The following ARHGEF7 variants were observed in gnomAD, a reference collection of about 807,000 sequenced individuals.
ARHGEF7 encodes the protein PAK-interacting exchange factor beta.
A neutral mutation model predicts 109.8 loss-of-function variants in ARHGEF7; 33 were observed. The ratio of observed to expected loss-of-function variants is 0.30; its 90% CI spans 0.23 to 0.40. The LOEUF (loss-of-function observed/expected upper bound fraction) is 0.40, where lower values mean the gene tolerates loss of function less well. Ranked by LOEUF, ARHGEF7 falls within the 10% of genes least tolerant of loss-of-function variation. ARHGEF7 has a pLI of 1.00. For missense variants in ARHGEF7, 938 were observed against 1,098.5 expected, an observed-to-expected ratio of 0.85 and a Z score of 2.07; for synonymous variants, 458 against 424.6, an observed-to-expected ratio of 1.08 and a Z score of -0.97.
intron 20 of ARHGEF7, among the ~76,000 whole-genome samples, 199 bp from the exon 21 acceptor site, chr13:111,301,279 C>T (rs2093560189): frequency 6.6e-6 from 1 of 152,152 alleles, no homozygotes; most frequent in Non-Finnish European, 1.5e-5. Context: ...TCTTCATAGG[C>T]TGAAGTTGCC....
At chr13:111,199,215 G>A (rs1245122484) in intron 2 of ARHGEF7, among the ~76,000 whole-genome samples, 1 of 152,212 alleles carries the variant, frequency 6.6e-6, no homozygotes, top group Non-Finnish European at 1.5e-5. Flanking sequence ...TCGAAGGGCA[G>A]GGGGAGTGAA....
chr13:111,206,278 G>GT (rs2081840584), intron 3 of ARHGEF7, among the ~76,000 whole-genome samples: 1 of 151,398 alleles, frequency 6.6e-6, no homozygotes, highest in Non-Finnish European at 1.5e-5. Flanking sequence ...AGAGACGGGG[G>GT]TTATGCATGC....
At chr13:111,148,218 C>T (rs1186792953) in intron 1 of ARHGEF7, among the ~76,000 whole-genome samples, 1 of 152,226 alleles carries the variant, frequency 6.6e-6, no homozygotes, top group Non-Finnish European at 1.5e-5. Context: ...ATTTATTACC[C>T]ATTTCATCCT....
intron 1 of ARHGEF7, among the ~76,000 whole-genome samples, chr13:111,121,243 C>T (rs2067177776): frequency 6.6e-6 from 1 of 152,212 alleles, no homozygotes; most frequent in Admixed American, 6.5e-5. Flanking sequence ...GCAGAAGCTC[C>T]TGCAGAAGTC....
In ARHGEF7 at chr13:111,291,314, T is replaced by C. The variant is rs535680941; in HGVS notation, c.2135-804T>C. On this transcript the variant is annotated intron_variant, in intron 18 of 21. Coordinates refer to ENST00000646102, the MANE Select transcript of ARHGEF7 (RefSeq NM_001354046.2). Reference sequence around the variant, plus strand: ...TTTCTCTCCTGACATGTTGTGCCACTTCCTCTGTCATTCTCCTTTTAACAC... The same window carrying C: ...TTTCTCTCCTGACATGTTGTGCCACCTCCTCTGTCATTCTCCTTTTAACAC... Among the ~76,000 whole-genome samples the C allele has an allele frequency of 2.6e-5, 4 of 152,390 alleles. No homozygotes were observed. In the South Asian group the frequency reaches 6.2e-4, roughly 24 times the overall value.
At chr13:111,206,972 A>AG (rs1284206973) in intron 3 of ARHGEF7, among the ~76,000 whole-genome samples, 2 of 141,988 alleles carry the variant, frequency 1.4e-5, no homozygotes, top group African/African-American at 5.1e-5. Context: ...AAAAAAAAAA[A>AG]AAAGAAAAAG....
chr13:111,269,186 G>A (rs904338014), intron 9 of ARHGEF7, among the ~76,000 whole-genome samples: 3 of 152,170 alleles, frequency 2.0e-5, no homozygotes, highest in African/African-American at 7.2e-5. Flanking sequence ...GTCTCCAAGC[G>A]TCCAGCATGT....
chr13:111,124,713 C>G (rs1431077674), intron 1 of ARHGEF7, among the ~76,000 whole-genome samples: 2 of 152,168 alleles, frequency 1.3e-5, no homozygotes, highest in Non-Finnish European at 2.9e-5. Context: ...CCGTCTGCTC[C>G]CTGCCTTCAT....
chr13:111,275,383 A>T, intron 11 of ARHGEF7, 149 bp from the exon 12 acceptor site: 1 of 900,662 alleles, frequency 1.1e-6, no homozygotes. Context: ...TCAATTCCCT[A>T]TAATTAAGCA....
intron 1 of ARHGEF7, among the ~76,000 whole-genome samples, chr13:111,136,418 T>C (rs1161058498): frequency 2.0e-5 from 3 of 152,132 alleles, no homozygotes; most frequent in Non-Finnish European, 2.9e-5. Flanking sequence ...TGCAATCAAA[T>C]TAGAACTCAG....
rs2153518455 is a variant in ARHGEF7 at position 111,228,255 on chromosome 13, A to G, written c.671-4950A>G. Among the ~76,000 whole-genome samples the G allele has an allele frequency of 6.6e-6, 1 of 152,346 alleles. No individual in the cohort carries two copies. Among genetic ancestry groups the G allele is most frequent in the Middle Eastern group, 3.4e-3 (1 of 294 alleles). On this transcript the variant is annotated intron_variant, in intron 5 of 21. Transcript: ENST00000646102. The surrounding 1 kb of genome is among the most constrained non-coding windows in gnomAD (Gnocchi z 4.6). ...TGATTCAAATAAGCTGACATCAGAA[A>G]GCCATTGTTTTGACACACAGGAAGA... is the stretch of plus-strand genomic sequence containing the variant.
At chr13:111,283,086 G>GT in intron 15 of ARHGEF7, 53 bp from the exon 16 acceptor site, 1 of 1,541,564 alleles carries the variant, frequency 6.5e-7, no homozygotes, top group Non-Finnish European at 8.8e-7. Context: ...CCCTTTCGCG[G>GT]TGAGCACGCG....
chr13:111,251,969 A>AG (rs1332863810), intron 8 of ARHGEF7, among the ~76,000 whole-genome samples: 2 of 152,172 alleles, frequency 1.3e-5, no homozygotes, highest in Admixed American at 6.5e-5. Context: ...TATCCCCAAA[A>AG]GGGATCTCTT....
chr13:111,236,845 G>A (rs998773422), intron 6 of ARHGEF7, among the ~76,000 whole-genome samples: 2 of 152,106 alleles, frequency 1.3e-5, no homozygotes, highest in Non-Finnish European at 2.9e-5. Flanking sequence ...AATGCCTGTA[G>A]TCTTAGCTAC....
At chr13:111,127,492 C>T (rs1367727871) in intron 1 of ARHGEF7, among the ~76,000 whole-genome samples, 2 of 151,480 alleles carry the variant, frequency 1.3e-5, no homozygotes, top group Admixed American at 6.6e-5. Flanking sequence ...CCCATCACTA[C>T]AAAAAATTTT....
chr13:111,161,941 G>T (rs534255377), intron 2 of ARHGEF7, among the ~76,000 whole-genome samples: 1 of 152,258 alleles, frequency 6.6e-6, no homozygotes, highest in East Asian at 1.9e-4. Flanking sequence ...TACAGAGGTG[G>T]ATTCTAAGTT....
intron 15 of ARHGEF7, chr13:111,282,851 A>C (rs1030456828): frequency 1.9e-6 from 1 of 525,452 alleles, no homozygotes; most frequent in South Asian, 2.9e-5. Context: ...GTAGCTAATA[A>C]ATGTGGCTAG....
intron 5 of ARHGEF7, among the ~76,000 whole-genome samples, chr13:111,222,679 T>A (rs1191197895): frequency 6.6e-6 from 1 of 152,242 alleles, no homozygotes; most frequent in Admixed American, 6.5e-5. Context: ...TCCACCTGCC[T>A]CAGCCTCCCA....
intron 2 of ARHGEF7, among the ~76,000 whole-genome samples, chr13:111,164,502 G>A (rs990660983): frequency 4.6e-5 from 7 of 152,176 alleles, no homozygotes; most frequent in African/African-American, 1.7e-4. Context: ...CCCTGTGCTT[G>A]GTTTCATGCT....
Sources: allele counts gnomAD v4.1 joint callset (sites outside exome capture counted in the v4.1 genomes callset), GRCh38; gene constraint gnomAD v4.1.1; non-coding constraint Gnocchi (gnomAD v3.1); transcripts MANE v1.5; gene names NCBI Gene and HGNC (gene_info 2026-07-23, HGNC 2026-07-21).